The following MCPH1 variants were observed in gnomAD, a reference collection of about 807,000 sequenced individuals.
The protein encoded by MCPH1 is microcephalin 1, also known as microcephalin.
In MCPH1, 104 loss-of-function variants were observed where a neutral mutation model predicts 84.5. The observed-to-expected ratio is 1.23, with a 90% CI of 1.05 to 1.45. The LOEUF is 1.45. Among genes scored for constraint, MCPH1 ranks in the 40% most tolerant of loss-of-function variants. MCPH1 has a pLI of 0.00. For missense variants in MCPH1, 1,498 were observed against 1,005.7 expected (o/e 1.49, Z -6.62); for synonymous variants, 514 against 366.8 (o/e 1.40, Z -4.58).
At chr8:6,433,198 C>A (rs1267766398) in intron 4 of MCPH1, among the ~76,000 whole-genome samples, 1 of 152,152 alleles carries the variant, frequency 6.6e-6, no homozygotes, top group African/African-American at 2.4e-5. Context: ...TACTTTTAGT[C>A]ACTGTCAGTT....
intron 8 of MCPH1, chr8:6,446,827 C>T (rs2166006): frequency 0.8 from 790,264 of 984,978 alleles, 322,634 homozygotes; most frequent in Non-Finnish European, 0.83. Context: ...CCCCGTGTTG[C>T]TGGGAGTGTG....
intron 12 of MCPH1, among the ~76,000 whole-genome samples, chr8:6,515,096 A>T (rs2922901): frequency 0.36 from 55,012 of 151,958 alleles, 10,164 homozygotes; most frequent in Middle Eastern, 0.49. Flanking sequence ...CTGTTTTTTT[A>T]GAGATTCATT....
intron 3 of MCPH1, among the ~76,000 whole-genome samples, chr8:6,417,011 T>A (rs1270081695): frequency 6.6e-6 from 1 of 152,088 alleles, no homozygotes; most frequent in Non-Finnish European, 1.5e-5. Flanking sequence ...TAAGGGGTCC[T>A]TCTCTGGCTT....
chr8:6,446,112 G>T lies in MCPH1; in HGVS notation c.1825+565G>T, dbSNP rs116567694. On this transcript the variant is annotated intron_variant, in intron 8 of 13. Coordinates refer to ENST00000344683, the MANE Select transcript of MCPH1 (RefSeq NM_024596.5). ...TTTTTGATCATTTGTAACAAGCCTT[G>T]TTTAACTTGTACTTATTTTGCTTGA... 6.4e-4 allele frequency: 624 copies of T among 968,000 alleles called. 2 individuals carry two copies. The African/African-American group carries it at 8.7e-3, about 13-fold the overall frequency. 60.0% of individuals were successfully genotyped at this position (968,000 alleles called of 1,614,324 possible).
At chr8:6,553,446 G>A (rs1824028402) in intron 12 of MCPH1, among the ~76,000 whole-genome samples, 1 of 152,056 alleles carries the variant, frequency 6.6e-6, no homozygotes, top group South Asian at 2.1e-4. Flanking sequence ...AACTTCAGAG[G>A]CTTGCTGGTC....
intron 12 of MCPH1, among the ~76,000 whole-genome samples, chr8:6,522,998 T>C (rs1563340541): frequency 1.3e-5 from 2 of 150,960 alleles, no homozygotes; most frequent in Non-Finnish European, 3.0e-5. Flanking sequence ...CTTGAAAAGT[T>C]TTTTTTTTTC....
chr8:6,416,939 A>C (rs1334601649), intron 3 of MCPH1, among the ~76,000 whole-genome samples: 12 of 152,014 alleles, frequency 7.9e-5, no homozygotes, highest in African/African-American at 2.9e-4. Flanking sequence ...GGTTGCAGTG[A>C]ACCAAGACCA....
At chr8:6,504,015 C>G (rs1050505415) in intron 12 of MCPH1, among the ~76,000 whole-genome samples, 1 of 152,138 alleles carries the variant, frequency 6.6e-6, no homozygotes. Flanking sequence ...ATGGAAAAAT[C>G]TAGAAATATT....
At chr8:6,442,615 T>A (rs1380565266) in intron 7 of MCPH1, among the ~76,000 whole-genome samples, 1 of 152,202 alleles carries the variant, frequency 6.6e-6, no homozygotes, top group Non-Finnish European at 1.5e-5. Flanking sequence ...TGGTAGGAAT[T>A]AGTGCAGTTA....
chr8:6,584,172 C>T (rs192194560), intron 12 of MCPH1, among the ~76,000 whole-genome samples: 9 of 152,230 alleles, frequency 5.9e-5, no homozygotes, highest in East Asian at 3.9e-4. Context: ...TCAAAAGTCA[C>T]ATATTGATTT....
chr8:6,416,764 G>C (rs111671464), intron 3 of MCPH1, among the ~76,000 whole-genome samples: 2 of 152,112 alleles, frequency 1.3e-5, no homozygotes, highest in African/African-American at 4.8e-5. Flanking sequence ...GAGGCCGAGG[G>C]GGGTGGATCA....
intron 12 of MCPH1, among the ~76,000 whole-genome samples, chr8:6,529,241 C>T (rs1457005488): frequency 1.3e-5 from 2 of 152,172 alleles, no homozygotes; most frequent in African/African-American, 2.4e-5. Context: ...CTCTCATTCC[C>T]TTTAAGATAT....
intron 12 of MCPH1, among the ~76,000 whole-genome samples, chr8:6,548,308 C>T (rs926617488): frequency 9.2e-5 from 14 of 152,120 alleles, no homozygotes; most frequent in African/African-American, 2.7e-4. Context: ...TCTACTCGTG[C>T]GTCACTTCCC....
rs1299831812 is a variant in MCPH1 at position 6,477,597 on chromosome 8, A to G, written c.1939A>G (p.Thr647Ala). The G allele has an allele frequency of 2.5e-6, 4 of 1,612,854 alleles. No homozygotes were observed. Among genetic ancestry groups the G allele is most frequent in the African/African-American group, 2.7e-5 (2 of 74,908 alleles). ...LKKSGRGKKP[T>A]RTLVMTSMPS... is the part of the protein sequence containing the mutation. Reference sequence around the variant, plus strand: ...CCTTCTTGTTTGAAATCTCTAGCCAACAAGAACATTAGTCATGACAAGCAT... The same window carrying G: ...CCTTCTTGTTTGAAATCTCTAGCCAGCAAGAACATTAGTCATGACAAGCAT... Residue 647 changes from threonine (T) to alanine (A), a missense_variant, in exon 10 of 14, where the codon ACA (threonine) becomes GCA (alanine). By Grantham distance (58) the Thr-to-Ala change is moderately conservative. Transcript: ENST00000344683.
rs189716626 is a variant in MCPH1 at position 6,621,586 on chromosome 8, G to C, written c.2347G>C (p.Gly783Arg). The stretch of plus-strand genomic sequence containing the variant: ...GCTCTGTGAACTAGTCCACCTGTGC[G>C]GAGGCCGGGTCAGCCAAGTCCCCCG... ...AKLCELVHLC[G>R]GRVSQVPRQA... The change falls in exon 13 of 14, where the codon GGA (glycine) becomes CGA (arginine). Residue 783 changes from glycine (G) to arginine (R), a missense_variant. Transcript: ENST00000344683. 6.2e-7 allele frequency: 1 copy of C among 1,614,116 alleles called. No homozygotes were observed. Among genetic ancestry groups the C allele is most frequent in the Non-Finnish European group, 8.5e-7 (1 of 1,180,048 alleles).
chr8:6,473,116 G>T (rs1048480280), intron 9 of MCPH1, among the ~76,000 whole-genome samples: 3 of 152,062 alleles, frequency 2.0e-5, no homozygotes, highest in Non-Finnish European at 4.4e-5. Flanking sequence ...TATTTTTTAG[G>T]TGAATGTGGT....
intron 12 of MCPH1, among the ~76,000 whole-genome samples, chr8:6,619,841 C>T (rs1325560619): frequency 1.3e-5 from 2 of 152,222 alleles, no homozygotes; most frequent in South Asian, 2.1e-4. Flanking sequence ...GCCTCAGCCT[C>T]GCAAAGTGCT....
At position 6,646,411 on chromosome 8, in the gene MCPH1, T is replaced by C. The variant is rs915638464; in HGVS notation, c.*3362T>C. Reference sequence around the variant, plus strand: ...TATCACATTGGCATAAGAATAGACATGTAAATCAAATAACAAAATAGAGAA... The same window carrying C: ...TATCACATTGGCATAAGAATAGACACGTAAATCAAATAACAAAATAGAGAA... On this transcript the variant is annotated 3_prime_UTR_variant, in exon 14 of 14. Coordinates refer to ENST00000344683, the MANE Select transcript of MCPH1 (RefSeq NM_024596.5). 8 of 152,184 alleles carry C rather than the reference T, an allele frequency of 5.3e-5. No homozygotes were observed. Among genetic ancestry groups the C allele is most frequent in the African/African-American group, 1.9e-4 (8 of 41,428 alleles). 9.4% of individuals were successfully genotyped at this position (152,184 alleles called of 1,614,324 possible).
rs571478745 is a variant in MCPH1, at chr8:6,611,508, C to T, written c.2215-9946C>T. Among the ~76,000 whole-genome samples the T allele has an allele frequency of 1.2e-4, 19 of 152,344 alleles. No individual in the cohort carries two copies. The South Asian group carries it at 3.1e-3, about 25-fold the overall frequency. Reference sequence around the variant, plus strand: ...AGCCAGAGAAGAGATGCACAGGGCCCGGGGCCGGGGAGCAGGGCATACGGA... The same window carrying T: ...AGCCAGAGAAGAGATGCACAGGGCCTGGGGCCGGGGAGCAGGGCATACGGA... On this transcript the variant is annotated intron_variant, in intron 12 of 13. Transcript: ENST00000344683.
Sources: allele counts gnomAD v4.1 joint callset (sites outside exome capture counted in the v4.1 genomes callset), GRCh38; gene constraint gnomAD v4.1.1; transcripts MANE v1.5; gene names NCBI Gene and HGNC (gene_info 2026-07-23, HGNC 2026-07-21).